SLC5A6: variants seen among roughly 807,000 people sequenced by gnomAD.
The protein encoded by SLC5A6 is sodium-dependent multivitamin transporter.
In SLC5A6, 31 loss-of-function variants were observed where a neutral mutation model predicts 67.9. That is an observed-to-expected ratio of 0.46 (90% CI 0.34 to 0.62). SLC5A6 has a LOEUF of 0.62. Among genes scored for constraint, SLC5A6 ranks in the 20% least tolerant of loss-of-function variants. The pLI is 0.01. For missense variants in SLC5A6, 673 were observed against 812.8 expected, an observed-to-expected ratio of 0.83 and a Z score of 2.09; for synonymous variants, 343 against 331.0, an observed-to-expected ratio of 1.04 and a Z score of -0.39.
Position 27,200,510 on chromosome 2 carries a change from CCTT to C in SLC5A6, c.1831_1833del (p.Lys611del). 5.0e-6 allele frequency: 8 copies of C among 1,614,092 alleles called. No homozygotes were observed. The highest frequency in any genetic ancestry group is 5.9e-6 in the Non-Finnish European group (7 of 1,179,956). On this transcript the variant is annotated inframe_deletion, in exon 17 of 17. Coordinates refer to ENST00000310574, the MANE Select transcript of SLC5A6 (RefSeq NM_021095.4). ...GCTGTGCCATCCAGGGCCATGGCCT[CCTT>C]GTCTCTGCTGTCCCCCAGCACACCA...
chr2:27,205,974 C>T, intron 6 of SLC5A6, 52 bp downstream of exon 6: 1 of 1,317,248 alleles, frequency 7.6e-7, no homozygotes, highest in Non-Finnish European at 1.1e-6. Context: ...TTCCCATGTC[C>T]CCTCCTTACT....
chr2:27,206,246 G>C, intron 5 of SLC5A6, 153 bp from the exon 6 acceptor site: 1 of 742,226 alleles, frequency 1.3e-6, no homozygotes, highest in South Asian at 1.7e-5. Flanking sequence ...TGTTTGCAGA[G>C]CTCCACCAAA....
Position 27,210,076 on chromosome 2 carries a change from G to C in SLC5A6, c.-141+1391C>G, listed in dbSNP as rs543547040. ...CACAGAACAAAGAACTAACTATAGGGTTAGTGGTTTAGAGAGGTAGGTGGC... is the reference window on the plus strand; with the variant it reads ...CACAGAACAAAGAACTAACTATAGGCTTAGTGGTTTAGAGAGGTAGGTGGC... On this transcript the variant is annotated intron_variant, in intron 2 of 16. Coordinates refer to ENST00000310574, the MANE Select transcript of SLC5A6 (RefSeq NM_021095.4). 3.3e-5 allele frequency among the ~76,000 whole-genome samples: 5 copies of C among 152,342 alleles called. No individual in the cohort carries two copies. The South Asian group carries it at 8.3e-4, about 25-fold the overall frequency.
Position 27,207,010 on chromosome 2 carries a change from A to T in SLC5A6, c.394-68T>A. On this transcript the variant is annotated intron_variant, in intron 3 of 16. Transcript: ENST00000310574. The surrounding 1 kb of genome is among the most constrained non-coding windows in gnomAD (Gnocchi z 5.5). ...GACAACTCACAGACAAATTCCCTCA[A>T]GATGCTCAGGAACATGAGGGAATAT... 2 of 1,355,982 alleles carry T rather than the reference A, an allele frequency of 1.5e-6. No homozygotes were observed. Among genetic ancestry groups the T allele is most frequent in the Non-Finnish European group, 1.1e-6 (1 of 944,832 alleles). 84.0% of individuals were successfully genotyped at this position (1,355,982 alleles called of 1,614,324 possible).
At chr2:27,203,455 G>A in intron 10 of SLC5A6, 110 bp from the exon 11 acceptor site, 1 of 932,678 alleles carries the variant, frequency 1.1e-6, no homozygotes, top group Non-Finnish European at 1.6e-6. Context: ...GTACCACCAA[G>A]AAACCTCCTC....
rs566058490 is a variant in SLC5A6 at position 27,204,340 on chromosome 2, G to A, written c.1005+121C>T. 3.5e-6 allele frequency: 4 copies of A among 1,158,154 alleles called. No homozygotes were observed. The East Asian group carries it at 9.6e-5, about 28-fold the overall frequency. 71.7% of individuals were successfully genotyped at this position (1,158,154 alleles called of 1,614,324 possible). On this transcript the variant is annotated intron_variant, in intron 9 of 16. Transcript: ENST00000310574. ...TTCCTAGCATCTCAGAGTGGGAAAG[G>A]ATTTTACAACCGTCTCCCACCCAGG... is the stretch of plus-strand genomic sequence containing the variant.
chr2:27,205,125 A>G (rs1673958715), intron 7 of SLC5A6, 194 bp from the exon 8 acceptor site: 1 of 726,090 alleles, frequency 1.4e-6, no homozygotes, highest in Admixed American at 2.8e-5. Context: ...CTTCCACCCC[A>G]GGCTCATTCC....
chr2:27,205,240 A>G, intron 7 of SLC5A6, 110 bp downstream of exon 7: 1 of 1,104,810 alleles, frequency 9.1e-7, no homozygotes. Context: ...CTGCTGTTAC[A>G]CCTCAGGCTT....
In SLC5A6 at chr2:27,207,485, C is replaced by T; in HGVS notation, c.166G>A (p.Val56Ile). 6.2e-7 allele frequency: 1 copy of T among 1,614,208 alleles called. No individual in the cohort carries two copies. Among genetic ancestry groups the T allele is most frequent in the South Asian group, 1.1e-5 (1 of 91,082 alleles). ...HACRGWGRHT[V>I]GELLMADRKM... is the part of the protein sequence containing the mutation. ...CGGTCCGCCATCAGCAGCTCACCAA[C>T]AGTATGCCGGCCCCAGCCACGACAA... is the stretch of plus-strand genomic sequence containing the variant. The change falls in exon 3 of 17, where the codon GTT becomes ATT. Residue 56 changes from valine (V) to isoleucine (I), a missense_variant. Physicochemically the swap from Val to Ile is conservative, Grantham distance 29. Transcript: ENST00000310574. This position sits in a 1 kb window ranked among gnomAD's most constrained non-coding sequence, Gnocchi z 5.5.
At chr2:27,203,481 GC>G in intron 10 of SLC5A6, 136 bp from the exon 11 acceptor site, 1 of 758,788 alleles carries the variant, frequency 1.3e-6, no homozygotes. Context: ...TGGACTTGAT[GC>G]CACCTCAGAG....
Position 27,202,503 on chromosome 2 carries a change from CAAAAA to C in SLC5A6, c.1275+305_1275+309del, listed in dbSNP as rs10638396. On this transcript the variant is annotated intron_variant, in intron 12 of 16. Transcript: ENST00000310574. ...TGAGCAACAGAATGAGACTCTGTCT[CAAAAA>C]AAAAAAAAAAAAAAAAAGAACTCCA... Among the ~76,000 whole-genome samples the C allele has an allele frequency of 4.4e-4, 32 of 72,294 alleles. No homozygotes were observed. In the South Asian group the frequency reaches 0.026, roughly 58 times the overall value. 47.4% of individuals were successfully genotyped at this position (72,294 alleles called of 152,430 possible).
At chr2:27,210,980 C>T (rs532502780) in intron 2 of SLC5A6, among the ~76,000 whole-genome samples, 1 of 152,100 alleles carries the variant, frequency 6.6e-6, no homozygotes, top group African/African-American at 2.4e-5. Context: ...GCCGAGATCG[C>T]GCCACTGCAC....
Position 27,212,232 on chromosome 2 carries a change from A to C in SLC5A6, c.-420T>G, listed in dbSNP as rs753882664. On this transcript the variant is annotated 5_prime_UTR_variant, in exon 1 of 17. Coordinates refer to ENST00000310574, the MANE Select transcript of SLC5A6 (RefSeq NM_021095.4). The stretch of plus-strand genomic sequence containing the variant: ...AAGACCAGCGCAGAGCTCCACGAGC[A>C]GGAAAAGCCCCCAAGCAGCCCCAGG... 4 of 1,561,150 alleles carry C rather than the reference A, an allele frequency of 2.6e-6. No individual in the cohort carries two copies. The South Asian group carries it at 3.5e-5, about 14-fold the overall frequency.
intron 2 of SLC5A6, among the ~76,000 whole-genome samples, chr2:27,210,836 A>C (rs1296801355): frequency 6.6e-6 from 1 of 151,976 alleles, no homozygotes; most frequent in Non-Finnish European, 1.5e-5. Flanking sequence ...ATCCTGGCTA[A>C]CACGGTGAAA....
intron 2 of SLC5A6, among the ~76,000 whole-genome samples, chr2:27,211,242 T>A (rs1674471229): frequency 6.6e-6 from 1 of 152,160 alleles, no homozygotes; most frequent in African/African-American, 2.4e-5. Flanking sequence ...CCTTAGAAAA[T>A]TTGCCAGCCA....
chr2:27,204,999 C>G, intron 7 of SLC5A6, 68 bp from the exon 8 acceptor site: 2 of 1,584,774 alleles, frequency 1.3e-6, no homozygotes, highest in Non-Finnish European at 1.7e-6. Flanking sequence ...CTCTTGGCAA[C>G]AGGAGTCAGT....
intron 11 of SLC5A6, 153 bp from the exon 12 acceptor site, chr2:27,203,033 C>A: frequency 2.0e-6 from 3 of 1,501,356 alleles, no homozygotes; most frequent in Non-Finnish European, 2.7e-6. Context: ...CCCACCAAGT[C>A]CTCACTCCTA....
chr2:27,208,555 G>A (rs946324107), intron 2 of SLC5A6: 3 of 152,966 alleles, frequency 2.0e-5, no homozygotes, highest in African/African-American at 7.2e-5. Context: ...TCACGGAGCT[G>A]AGAGGCAAAG....
intron 16 of SLC5A6, 62 bp from the exon 17 acceptor site, chr2:27,200,641 T>G: frequency 1.9e-6 from 3 of 1,541,960 alleles, no homozygotes; most frequent in South Asian, 1.2e-5. Flanking sequence ...CTTGACAGGA[T>G]TCACACAAAA....
Sources: gnomAD v4.1 joint callset for allele counts (sites outside exome capture counted in the v4.1 genomes callset) on GRCh38, gnomAD v4.1.1 for gene constraint, Gnocchi (gnomAD v3.1) non-coding constraint, MANE v1.5 for transcripts, NCBI Gene and HGNC (gene_info 2026-07-23, HGNC 2026-07-21) for gene names.